The following ST3GAL5 variants were observed in gnomAD, a reference collection of about 807,000 sequenced individuals.
ST3GAL5 encodes lactosylceramide alpha-2,3-sialyltransferase.
A neutral mutation model predicts 46.1 loss-of-function variants in ST3GAL5; 25 were observed. The observed-to-expected ratio is 0.54, with a 90% CI of 0.40 to 0.76. The LOEUF (loss-of-function observed/expected upper bound fraction) is 0.76. Ranked by LOEUF, ST3GAL5 falls within the 30% of genes least tolerant of loss-of-function variation. ST3GAL5 has a pLI of 0.00. For missense variants in ST3GAL5, 431 were observed against 521.2 expected, an observed-to-expected ratio of 0.83 and a Z score of 1.69; for synonymous variants, 182 against 192.7, an observed-to-expected ratio of 0.94 and a Z score of 0.46.
intron 4 of ST3GAL5, chr2:85,847,244 A>G (rs1368097355): frequency 6.4e-6 from 3 of 472,416 alleles, no homozygotes; most frequent in African/African-American, 2.1e-5. Flanking sequence ...CTTCTCCAGA[A>G]GCCAGGCCCC....
At chr2:85,875,174 C>A (rs1453827607) in intron 1 of ST3GAL5, among the ~76,000 whole-genome samples, 1 of 152,054 alleles carries the variant, frequency 6.6e-6, no homozygotes, top group Non-Finnish European at 1.5e-5. Flanking sequence ...ATCCTTCTGC[C>A]TCAGCCTCCC....
At position 85,861,202 on chromosome 2, in the gene ST3GAL5, A is replaced by C. The variant is rs1423247945; in HGVS notation, c.297T>G (p.Tyr99Ter). The C allele has an allele frequency of 1.9e-6, 3 of 1,610,956 alleles. No individual in the cohort carries two copies. The highest frequency in any genetic ancestry group is 1.7e-5 in the Admixed American group (1 of 60,018). ...TEECDMKKMH[Y>*]VDPDHVKRAQ... ...TAACCTTTACATGGTCAGGGTCCAC[A>C]TAATGCATTTTTTTCATGTCACATT... Residue 99 changes from tyrosine (Y) to a stop codon, truncating the protein, a stop_gained, in exon 3 of 7, where the codon TAT becomes TAG. Transcript: ENST00000638572. LOFTEE classifies it high-confidence loss of function.
At chr2:85,886,377 C>T (rs955196236) in intron 1 of ST3GAL5, among the ~76,000 whole-genome samples, 1 of 152,106 alleles carries the variant, frequency 6.6e-6, no homozygotes, top group African/African-American at 2.4e-5. Flanking sequence ...CAAGGCTGAT[C>T]CTGGGGGAGG....
intron 3 of ST3GAL5, among the ~76,000 whole-genome samples, chr2:85,859,768 A>G (rs1684526490): frequency 6.6e-6 from 1 of 152,242 alleles, no homozygotes; most frequent in Non-Finnish European, 1.5e-5. Flanking sequence ...TCAAGAAAGG[A>G]ATTTTGTATA....
intron 1 of ST3GAL5, chr2:85,870,156 G>GT (rs1240037086): frequency 1.7e-5 from 8 of 467,798 alleles, no homozygotes; most frequent in Non-Finnish European, 3.1e-5. Context: ...TTCTTCATAA[G>GT]TTTTTTACTT....
chr2:85,839,998 C>A lies in ST3GAL5; in HGVS notation c.*146G>T. 1 of 1,286,616 alleles carries A rather than the reference C, an allele frequency of 7.8e-7. No homozygotes were observed. The highest frequency in any genetic ancestry group is 1.1e-6 in the Non-Finnish European group (1 of 937,232). The allele number at this position is 1,286,616 out of a possible 1,614,324, so 79.7% of individuals were successfully genotyped here. On this transcript the variant is annotated 3_prime_UTR_variant, in exon 7 of 7. Coordinates refer to ENST00000638572, the MANE Select transcript of ST3GAL5 (RefSeq NM_003896.4). ...AATAGGAAAAAAAAAGTGGGAAGAG[C>A]TAAAATTTTTTTTGTGTTTTTAAAT...
intron 1 of ST3GAL5, among the ~76,000 whole-genome samples, chr2:85,882,377 GA>G: frequency 6.6e-6 from 1 of 152,302 alleles, no homozygotes; most frequent in Non-Finnish European, 1.5e-5. Flanking sequence ...CGTGTGCCTG[GA>G]AAAGCTGTAG....
intron 3 of ST3GAL5, chr2:85,851,089 G>T: frequency 4.6e-6 from 1 of 218,556 alleles, no homozygotes; most frequent in Non-Finnish European, 7.9e-6. Context: ...GCTACTTTTT[G>T]TATTTTCAGT....
At chr2:85,875,655 A>C (rs970697592) in intron 1 of ST3GAL5, 1 of 152,198 alleles carries the variant, frequency 6.6e-6, no homozygotes, top group Non-Finnish European at 1.5e-5. Flanking sequence ...AAGTGGGAGA[A>C]GTGGATTTAA....
intron 1 of ST3GAL5, chr2:85,867,983 G>T: frequency 3.4e-6 from 1 of 292,834 alleles, no homozygotes; most frequent in South Asian, 3.6e-5. Flanking sequence ...CTTCAGCTCA[G>T]CAGGCATTAC....
At chr2:85,847,705 G>A (rs1682972407) in intron 4 of ST3GAL5, 156 bp downstream of exon 4, 1 of 1,315,838 alleles carries the variant, frequency 7.6e-7, no homozygotes, top group Non-Finnish European at 1.0e-6. Flanking sequence ...TGTGGTGGGA[G>A]GATCTCCTGA....
At chr2:85,875,362 A>ATTTTTTTTTT (rs60344074) in intron 1 of ST3GAL5, 1 of 132,524 alleles carries the variant, frequency 7.5e-6, no homozygotes, top group Non-Finnish European at 1.6e-5. Context: ...CACTTGCCTG[A>ATTTTTTTTTT]TTTTTTTTTT....
chr2:85,858,274 G>A (rs891625722), intron 3 of ST3GAL5: 1 of 152,218 alleles, frequency 6.6e-6, no homozygotes, highest in Non-Finnish European at 1.5e-5. Context: ...AGGCCCCTGA[G>A]CCCCTCCCTG....
intron 1 of ST3GAL5, chr2:85,867,700 T>C (rs1402818372): frequency 1.5e-5 from 12 of 778,174 alleles, no homozygotes; most frequent in Non-Finnish European, 2.6e-5. Flanking sequence ...AGGTCTTAAA[T>C]ACCATACTGA....
chr2:85,888,577 C>T (rs1049933285), intron 1 of ST3GAL5: 2 of 265,884 alleles, frequency 7.5e-6, no homozygotes, highest in African/African-American at 2.3e-5. Context: ...CGACACCCGG[C>T]GGTCCGCCCC....
At chr2:85,871,759 T>A (rs1394218510) in intron 1 of ST3GAL5, among the ~76,000 whole-genome samples, 2 of 152,122 alleles carry the variant, frequency 1.3e-5, no homozygotes, top group Non-Finnish European at 2.9e-5. Flanking sequence ...GTGGTCAGAA[T>A]GGGGAGGACC....
chr2:85,873,209 C>T (rs758095836), intron 1 of ST3GAL5, among the ~76,000 whole-genome samples: 10 of 152,072 alleles, frequency 6.6e-5, no homozygotes, highest in Non-Finnish European at 1.5e-4. Flanking sequence ...GGCTGGCCCC[C>T]TCGCCTGGAG....
intron 5 of ST3GAL5, 161 bp from the exon 6 acceptor site, chr2:85,844,715 G>A (rs1165166284): frequency 2.2e-6 from 2 of 916,018 alleles, no homozygotes; most frequent in African/African-American, 1.6e-5. Context: ...CGCAAATCCG[G>A]CACTCCAACT....
At chr2:85,884,173 G>T (rs578224336) in intron 1 of ST3GAL5, among the ~76,000 whole-genome samples, 2 of 152,270 alleles carry the variant, frequency 1.3e-5, no homozygotes, top group African/African-American at 2.4e-5. Context: ...CAAACACTGA[G>T]GGCTGTGGTG....
Sources: allele counts gnomAD v4.1 joint callset (sites outside exome capture counted in the v4.1 genomes callset), GRCh38; gene constraint gnomAD v4.1.1; transcripts MANE v1.5; gene names NCBI Gene and HGNC (gene_info 2026-07-23, HGNC 2026-07-21).